The following C15orf61 variants were observed in gnomAD, a reference collection of about 807,000 sequenced individuals.
C15orf61 encodes the protein chromosome 15 open reading frame 61.
A neutral mutation model predicts 13.7 loss-of-function variants in C15orf61; 12 were observed. The ratio of observed to expected loss-of-function variants is 0.88; its 90% CI spans 0.56 to 1.42. The LOEUF is 1.42. Ranked by LOEUF, C15orf61 falls within the 40% of genes most tolerant of loss-of-function variation. The pLI is 0.00. For synonymous variants in C15orf61, 92 were observed against 94.1 expected, an observed-to-expected ratio of 0.98 and a Z score of 0.13; for missense variants, 248 against 213.2, an observed-to-expected ratio of 1.16 and a Z score of -1.02.
chr15:67,522,037 C>A (rs1487299961), intron 1 of C15orf61: 1 of 700,076 alleles, frequency 1.4e-6, no homozygotes, highest in Non-Finnish European at 2.6e-6. Context: ...TTTTAAGTTT[C>A]TTTTGTTTTC....
rs530365527 is a variant in C15orf61 at position 67,526,842 on chromosome 15, A to G, written c.*297A>G. 55 of 196,452 alleles carry G rather than the reference A, an allele frequency of 2.8e-4. No individual in the cohort carries two copies. The highest frequency in any genetic ancestry group is 1.9e-3 in the South Asian group (10 of 5,266). 12.2% of individuals were successfully genotyped at this position (196,452 alleles called of 1,614,324 possible). ...TACAATGTAATAGATTCTATAGTTA[A>G]TTAACAATTTAAATCAACTCTGAAG... On this transcript the variant is annotated 3_prime_UTR_variant, in exon 2 of 2. Transcript: ENST00000342683.
rs1175980456 is a variant in C15orf61, at chr15:67,525,180, C to G, written c.347-1238C>G. On this transcript the variant is annotated intron_variant, in intron 1 of 1. Transcript: ENST00000342683. The surrounding 1 kb of genome is among the most constrained non-coding windows in gnomAD (Gnocchi z 4.9). ...AGAAAGTGATTTTCCAAATGTACAG[C>G]TATCCTTTTAAAGTGTCACTTTCTG... Among the ~76,000 whole-genome samples, 2 of 152,186 alleles carry G rather than the reference C, an allele frequency of 1.3e-5. No homozygotes were observed. Among genetic ancestry groups the G allele is most frequent in the African/African-American group, 4.8e-5 (2 of 41,440 alleles).
chr15:67,521,391 G>A lies in C15orf61; in HGVS notation c.143G>A (p.Trp48Ter), dbSNP rs1248642403. 1.9e-6 allele frequency: 3 copies of A among 1,541,470 alleles called. No homozygotes were observed. The highest frequency in any genetic ancestry group is 2.6e-6 in the Non-Finnish European group (3 of 1,146,534). ...CTGCTGCAGCGGCGCCTGCCGCACT[G>A]GACCTCCTTCTGCGTGCCCTACAGC... The part of the protein sequence containing the change: ...RHLLQRRLPH[W>*]TSFCVPYSAV... Residue 48 changes from tryptophan (W) to a stop codon, truncating the protein, a stop_gained, in exon 1 of 2, where the codon TGG (tryptophan) becomes TAG (stop). Transcript: ENST00000342683. LOFTEE classifies it high-confidence loss of function.
At chr15:67,522,952 A>G (rs1459601860) in intron 1 of C15orf61, among the ~76,000 whole-genome samples, 1 of 152,186 alleles carries the variant, frequency 6.6e-6, no homozygotes, top group Non-Finnish European at 1.5e-5. Context: ...AGATTAAGAC[A>G]TCCAAAAAAA....
intron 1 of C15orf61, chr15:67,522,349 G>GT: frequency 1.5e-6 from 1 of 657,382 alleles, no homozygotes. Flanking sequence ...CTAGATTTCA[G>GT]TGATTCAAAA....
chr15:67,524,837 GTTTT>G (rs374398669), intron 1 of C15orf61, among the ~76,000 whole-genome samples: 1 of 122,806 alleles, frequency 8.1e-6, no homozygotes, highest in Non-Finnish European at 1.7e-5. Context: ...TTTTTTGTTT[GTTTT>G]TTTTTTTTTT....
chr15:67,524,947 C>T (rs908502746), intron 1 of C15orf61, among the ~76,000 whole-genome samples: 3 of 151,400 alleles, frequency 2.0e-5, no homozygotes, highest in Admixed American at 6.6e-5. Context: ...AGCAATTCTC[C>T]TGCCTCAGCC....
Position 67,526,496 on chromosome 15 carries a change from C to T in C15orf61, c.425C>T (p.Pro142Leu). The change falls in exon 2 of 2, where the codon CCC (proline) becomes CTC (leucine). Residue 142 changes from proline (P) to leucine (L), a missense_variant. Transcript: ENST00000342683. The stretch of plus-strand genomic sequence containing the variant: ...GAGACTGTGCATACCAGTTATGGAC[C>T]CATAACAGTTTATTTTCTCAATAAA... ...VTETVHTSYGPITVYFLNKED... is the reference protein window; with the variant it reads ...VTETVHTSYGLITVYFLNKED... The T allele has an allele frequency of 6.5e-7, 1 of 1,539,662 alleles. No homozygotes were observed. The highest frequency in any genetic ancestry group is 8.8e-7 in the Non-Finnish European group (1 of 1,139,330).
chr15:67,521,898 CA>C (rs1596527846), intron 1 of C15orf61: 2 of 662,774 alleles, frequency 3.0e-6, no homozygotes, highest in East Asian at 5.5e-5. Context: ...GGCAGTAAGC[CA>C]GGGGGCGTCA....
At chr15:67,522,179 G>A (rs990317609) in intron 1 of C15orf61, 2 of 701,898 alleles carry the variant, frequency 2.8e-6, no homozygotes, top group Non-Finnish European at 5.2e-6. Context: ...TCATGGAGAC[G>A]CCCTGAGGAT....
At position 67,521,201 on chromosome 15, in the gene C15orf61, C is replaced by T. The variant is rs1325913404; in HGVS notation, c.-48C>T. The T allele has an allele frequency of 9.5e-6, 11 of 1,163,002 alleles. No individual in the cohort carries two copies. Among genetic ancestry groups the T allele is most frequent in the African/African-American group, 8.0e-5 (5 of 62,148 alleles). 72.0% of individuals were successfully genotyped at this position (1,163,002 alleles called of 1,614,324 possible). A position where few individuals can be genotyped will look rare whatever the true frequency, so the allele number is the denominator to read the frequency against. On this transcript the variant is annotated 5_prime_UTR_variant, in exon 1 of 2. Coordinates refer to ENST00000342683, the MANE Select transcript of C15orf61 (RefSeq NM_001143936.2). ...CGGCGCTCGCCCGGGGGCGCGCTTGCGCGCCAGCGGCTGCGGACACCAGCC... is the reference window on the plus strand; with the variant it reads ...CGGCGCTCGCCCGGGGGCGCGCTTGTGCGCCAGCGGCTGCGGACACCAGCC...
chr15:67,529,734 T>C lies in C15orf61; in HGVS notation c.*3189T>C, dbSNP rs1470272354. The C allele has an allele frequency of 6.6e-6, 1 of 152,248 alleles. No individual in the cohort carries two copies. The highest frequency in any genetic ancestry group is 2.4e-5 in the African/African-American group (1 of 41,468). 9.4% of individuals were successfully genotyped at this position (152,248 alleles called of 1,614,324 possible). A position where few individuals can be genotyped will look rare whatever the true frequency, so the allele number is the denominator to read the frequency against. The stretch of plus-strand genomic sequence containing the variant: ...CCAGGCCTAGCTGAAACATTTGTAA[T>C]TATTAAAACCGTGTATCTTTTAAAG... On this transcript the variant is annotated 3_prime_UTR_variant, in exon 2 of 2. Coordinates refer to ENST00000342683, the MANE Select transcript of C15orf61 (RefSeq NM_001143936.2). This position sits in a 1 kb window ranked among gnomAD's most constrained non-coding sequence, Gnocchi z 4.4.
In C15orf61 at chr15:67,521,234, C is replaced by T. The variant is rs1567251422; in HGVS notation, c.-15C>T. On this transcript the variant is annotated 5_prime_UTR_variant, in exon 1 of 2. Coordinates refer to ENST00000342683, the MANE Select transcript of C15orf61 (RefSeq NM_001143936.2). ...CGGCTGCGGACACCAGCCTGCGTCCCCGGCGCGGCGGGCCATGGAGGCCCT... is the reference window on the plus strand; with the variant it reads ...CGGCTGCGGACACCAGCCTGCGTCCTCGGCGCGGCGGGCCATGGAGGCCCT... The T allele has an allele frequency of 1.6e-6, 2 of 1,222,522 alleles. No homozygotes were observed. The highest frequency in any genetic ancestry group is 1.0e-6 in the Non-Finnish European group (1 of 979,476). The allele number at this position is 1,222,522 out of a possible 1,614,324, so 75.7% of individuals were successfully genotyped here.
Position 67,521,397 on chromosome 15 carries a change from CCTT to C in C15orf61, c.152_154del (p.Phe51del), listed in dbSNP as rs768700272. 1.3e-6 allele frequency: 2 copies of C among 1,542,432 alleles called. No individual in the cohort carries two copies. The highest frequency in any genetic ancestry group is 2.4e-5 in the South Asian group (2 of 84,044). ...CAGCGGCGCCTGCCGCACTGGACCT[CCTT>C]CTGCGTGCCCTACAGCGCCGTCCGC... On this transcript the variant is annotated inframe_deletion, in exon 1 of 2. Transcript: ENST00000342683.
intron 1 of C15orf61, among the ~76,000 whole-genome samples, chr15:67,523,470 C>T (rs1368992654): frequency 6.6e-6 from 1 of 152,086 alleles, no homozygotes; most frequent in East Asian, 1.9e-4. Flanking sequence ...CTCCGTCTTC[C>T]CTTCAATGGA....
Position 67,526,777 on chromosome 15 carries a change from T to C in C15orf61, c.*232T>C, listed in dbSNP as rs8027115. 0.7 allele frequency: 229,089 copies of C among 325,244 alleles called. 82,246 individuals carry two copies. Among genetic ancestry groups the C allele is most frequent in the Middle Eastern group, 0.79 (964 of 1,228 alleles). 20.1% of individuals were successfully genotyped at this position (325,244 alleles called of 1,614,324 possible). On this transcript the variant is annotated 3_prime_UTR_variant, in exon 2 of 2. Coordinates refer to ENST00000342683, the MANE Select transcript of C15orf61 (RefSeq NM_001143936.2). Reference sequence around the variant, plus strand: ...CAAACACATGAAGCTTCACACCATTTTTTCCCTAGAACTAGGTTAACCTAC... The same window carrying C: ...CAAACACATGAAGCTTCACACCATTCTTTCCCTAGAACTAGGTTAACCTAC...
At chr15:67,526,287 T>G in intron 1 of C15orf61, 131 bp from the exon 2 acceptor site, 1 of 588,130 alleles carries the variant, frequency 1.7e-6, no homozygotes, top group Non-Finnish European at 2.8e-6. Context: ...ATAATCAGAG[T>G]CAATGTTGAT....
Position 67,528,221 on chromosome 15 carries a change from A to G in C15orf61, c.*1676A>G, listed in dbSNP as rs1234436643. ...TTCACACTGGCCTGTTTGATTTCTG[A>G]TAATTTGTACTGCTGACTCTGCTTA... On this transcript the variant is annotated 3_prime_UTR_variant, in exon 2 of 2. Transcript: ENST00000342683. The G allele has an allele frequency of 6.6e-6, 1 of 152,192 alleles. No homozygotes were observed. The highest frequency in any genetic ancestry group is 1.5e-5 in the Non-Finnish European group (1 of 68,018). The allele number at this position is 152,192 out of a possible 1,614,324, so 9.4% of individuals were successfully genotyped here.
At chr15:67,523,636 A>G (rs570422309) in intron 1 of C15orf61, among the ~76,000 whole-genome samples, 2 of 152,344 alleles carry the variant, frequency 1.3e-5, no homozygotes, top group South Asian at 4.1e-4. Context: ...CCTACTGTTC[A>G]GCTGACTCAA....
Sources: gnomAD v4.1 joint callset for allele counts (sites outside exome capture counted in the v4.1 genomes callset) on GRCh38, gnomAD v4.1.1 for gene constraint, Gnocchi (gnomAD v3.1) non-coding constraint, MANE v1.5 for transcripts, NCBI Gene and HGNC (gene_info 2026-07-23, HGNC 2026-07-21) for gene names.